NCF2: variants seen among roughly 807,000 people sequenced by gnomAD.
NCF2 encodes neutrophil cytosolic factor 2.
NCF2 carries 45 observed loss-of-function variants against 70.9 expected under a neutral mutation model. That is an observed-to-expected ratio of 0.63 (90% CI 0.50 to 0.81). The LOEUF (loss-of-function observed/expected upper bound fraction) is 0.81, where lower values mean the gene tolerates loss of function less well. Among genes scored for constraint, NCF2 ranks in the 40% least tolerant of loss-of-function variants. The pLI is 0.00. For missense variants in NCF2, 522 were observed against 631.6 expected, an observed-to-expected ratio of 0.83 and a Z score of 1.86; for synonymous variants, 203 against 233.6, an observed-to-expected ratio of 0.87 and a Z score of 1.19.
chr1:183,557,119 A>T (rs1671824910), intron 14 of NCF2, among the ~76,000 whole-genome samples: 1 of 152,204 alleles, frequency 6.6e-6, no homozygotes, highest in Non-Finnish European at 1.5e-5. Flanking sequence ...AGGTATCCAT[A>T]TTTTACTAAG....
At chr1:183,567,592 A>G (rs1453027390) in intron 7 of NCF2, 1 of 606,208 alleles carries the variant, frequency 1.6e-6, no homozygotes, top group East Asian at 3.1e-5. Flanking sequence ...AACACTAGAT[A>G]GTGAGGACTT....
At chr1:183,564,242 C>CT (rs557533783) in intron 10 of NCF2, among the ~76,000 whole-genome samples, 143 of 152,288 alleles carry the variant, frequency 9.4e-4, no homozygotes, top group African/African-American at 2.6e-3. Flanking sequence ...AACTCAGTCT[C>CT]TGCTTCTAGG....
rs140150135 is a variant in NCF2 at position 183,576,131 on chromosome 1, G to A, written c.366+1468C>T. ...TTCAAAAATAATGATGTGATTCTCA[G>A]AAGCCAGGGTCATACCACATCAGGA... On this transcript the variant is annotated intron_variant, in intron 3 of 14. Transcript: ENST00000367535. Among the ~76,000 whole-genome samples, 307 of 152,292 alleles carry A rather than the reference G, an allele frequency of 2.0e-3. 5 individuals carry two copies. The highest frequency in any genetic ancestry group is 0.02 in the South Asian group (96 of 4,828).
rs551965329 is a variant in NCF2 at position 183,567,797 on chromosome 1, C to T, written c.714-452G>A. ...AGGAGGAAGGAGAAACCACCTAGAA[C>T]CAGTGTTGGGCCAGGATAGAGAGAC... On this transcript the variant is annotated intron_variant, in intron 7 of 14. Transcript: ENST00000367535. Among the ~76,000 whole-genome samples the T allele has an allele frequency of 2.0e-5, 3 of 152,228 alleles. No individual in the cohort carries two copies. The South Asian group carries it at 6.2e-4, about 32-fold the overall frequency.
chr1:183,572,336 C>T (rs899495483), intron 5 of NCF2, among the ~76,000 whole-genome samples: 15 of 152,300 alleles, frequency 9.8e-5, no homozygotes, highest in Admixed American at 3.9e-4. Flanking sequence ...AGGCATGCAC[C>T]GCAGCACCCA....
At chr1:183,586,252 T>G (rs1673344610) in intron 2 of NCF2, among the ~76,000 whole-genome samples, 1 of 152,212 alleles carries the variant, frequency 6.6e-6, no homozygotes, top group Admixed American at 6.5e-5. Context: ...GAGAATCGCT[T>G]GAGCCTGGGA....
chr1:183,571,977 A>AT (rs1404921495), intron 5 of NCF2, among the ~76,000 whole-genome samples: 2 of 152,156 alleles, frequency 1.3e-5, no homozygotes, highest in Admixed American at 6.5e-5. Context: ...GATATATCAC[A>AT]TTTTGATTAC....
chr1:183,590,122 C>T (rs775879761), intron 1 of NCF2, 34 bp downstream of exon 1: 3 of 1,613,608 alleles, frequency 1.9e-6, no homozygotes, highest in Non-Finnish European at 2.5e-6. Context: ...AACAAATGCA[C>T]AGAGGAGGCC....
In NCF2 at chr1:183,566,908, G is replaced by C. The variant is rs746128644; in HGVS notation, c.924+12C>G. On this transcript the variant is annotated intron_variant, in intron 9 of 14. Coordinates refer to ENST00000367535, the MANE Select transcript of NCF2 (RefSeq NM_000433.4). ...GTGAGAGGAAATGGGTCAGGCCTTG[G>C]CATCACATTACCTGGGGCTGCTGCT... The C allele has an allele frequency of 6.2e-7, 1 of 1,613,544 alleles. No homozygotes were observed. Among genetic ancestry groups the C allele is most frequent in the Non-Finnish European group, 8.5e-7 (1 of 1,179,996 alleles).
Position 183,563,315 on chromosome 1 carries a change from G to T in NCF2, c.1179-9C>A. 1 of 1,613,892 alleles carries T rather than the reference G, an allele frequency of 6.2e-7. No homozygotes were observed. Among genetic ancestry groups the T allele is most frequent in the Admixed American group, 1.7e-5 (1 of 60,004 alleles). On this transcript the variant is annotated splice_polypyrimidine_tract_variant and intron_variant, in intron 12 of 14. Coordinates refer to ENST00000367535, the MANE Select transcript of NCF2 (RefSeq NM_000433.4). ...TGTCCCGAGGCCGATAGCTGGGTGG[G>T]GATAATGAGTAAGAATCCAGTCAAA...
At chr1:183,570,962 AC>A in intron 5 of NCF2, 123 bp from the exon 6 acceptor site, 1 of 900,606 alleles carries the variant, frequency 1.1e-6, no homozygotes, top group Non-Finnish European at 1.8e-6. Flanking sequence ...GTGGACAGTA[AC>A]TAAGGATTAG....
chr1:183,572,004 A>G (rs995422192), intron 5 of NCF2, among the ~76,000 whole-genome samples: 4 of 152,142 alleles, frequency 2.6e-5, no homozygotes. Context: ...ATCAGTTGAT[A>G]GATATTTGGA....
At chr1:183,586,151 A>G (rs1673338062) in intron 2 of NCF2, among the ~76,000 whole-genome samples, 1 of 152,192 alleles carries the variant, frequency 6.6e-6, no homozygotes, top group South Asian at 2.1e-4. Flanking sequence ...CCTGACCAAC[A>G]TGGAGAAACC....
chr1:183,594,960 A>G (rs1263651650), upstream of NCF2, among the ~76,000 whole-genome samples: 4 of 152,186 alleles, frequency 2.6e-5, no homozygotes, highest in African/African-American at 9.7e-5. Context: ...GATAGAGCCA[A>G]CTCTCCACTG....
intron 14 of NCF2, among the ~76,000 whole-genome samples, chr1:183,557,211 A>G (rs1179900101): frequency 2.6e-5 from 4 of 152,320 alleles, no homozygotes; most frequent in South Asian, 4.1e-4. Context: ...ATGATCTCCA[A>G]AGCCCACCTA....
In NCF2 at chr1:183,569,056, C is replaced by A. The variant is rs1672431116; in HGVS notation, c.713+86G>T. 1.5e-5 allele frequency: 20 copies of A among 1,294,720 alleles called. No homozygotes were observed. The South Asian group carries it at 2.1e-4, about 14-fold the overall frequency. The allele number at this position is 1,294,720 out of a possible 1,614,324, so 80.2% of individuals were successfully genotyped here. On this transcript the variant is annotated intron_variant, in intron 7 of 14. Transcript: ENST00000367535. The stretch of plus-strand genomic sequence containing the variant: ...TTCAACAAGATTTAGACCCTGACCC[C>A]ACCTTCATCTTCTTCCCTCCCTTTC...
chr1:183,569,897 A>G (rs1252182017), intron 6 of NCF2, among the ~76,000 whole-genome samples: 1 of 152,198 alleles, frequency 6.6e-6, no homozygotes, highest in African/African-American at 2.4e-5. Context: ...GCCACTTCTG[A>G]GTATTTAAAA....
rs190753116 is a variant in NCF2, at chr1:183,581,390, G to A, written c.258-3683C>T. Among the ~76,000 whole-genome samples the A allele has an allele frequency of 1.8e-4, 27 of 151,412 alleles. No individual in the cohort carries two copies. The East Asian group carries it at 4.5e-3, about 25-fold the overall frequency. On this transcript the variant is annotated intron_variant, in intron 2 of 14. Coordinates refer to ENST00000367535, the MANE Select transcript of NCF2 (RefSeq NM_000433.4). The stretch of plus-strand genomic sequence containing the variant: ...TTGAGCCTGCAGTTCCAGCTACTCC[G>A]CCAGAGGCTGGGGCAGGAGGATCAC...
Position 183,557,799 on chromosome 1 carries a change from G to A in NCF2, c.1469-1569C>T, listed in dbSNP as rs1303713529. On this transcript the variant is annotated intron_variant, in intron 14 of 14. Coordinates refer to ENST00000367535, the MANE Select transcript of NCF2 (RefSeq NM_000433.4). ...TTTAGGCACCTTTAAAGTGGCACTT[G>A]GAGGTGTTCAACCCAGTTCTTCCCA... Among the ~76,000 whole-genome samples the A allele has an allele frequency of 2.0e-5, 3 of 152,258 alleles. No individual in the cohort carries two copies. In the East Asian group the frequency reaches 5.8e-4, roughly 29 times the overall value.
Sources: allele counts gnomAD v4.1 joint callset (sites outside exome capture counted in the v4.1 genomes callset), GRCh38; gene constraint gnomAD v4.1.1; transcripts MANE v1.5; gene names NCBI Gene and HGNC (gene_info 2026-07-23, HGNC 2026-07-21).